Variants in SLC35F4 observed in about 807,000 individuals in gnomAD.
The protein encoded by SLC35F4 is chromosome 14 open reading frame 36.
A neutral mutation model predicts 44.2 loss-of-function variants in SLC35F4; 24 were observed. The observed-to-expected ratio is 0.54, with a 90% confidence interval of 0.39 to 0.76. The LOEUF (loss-of-function observed/expected upper bound fraction) is 0.76, where lower values mean the gene tolerates loss of function less well. SLC35F4 is among the 30% of genes least tolerant of loss of function. The pLI is 0.00. For synonymous variants in SLC35F4, 238 were observed against 223.6 expected (o/e 1.06, Z -0.57); for missense variants, 562 against 586.1 (o/e 0.96, Z 0.42).
At chr14:57,905,762 A>G (rs1445626882) in intron 1 of SLC35F4, among the ~76,000 whole-genome samples, 1 of 152,178 alleles carries the variant, frequency 6.6e-6, no homozygotes, top group Non-Finnish European at 1.5e-5. Context: ...CTTTTACAAG[A>G]TGGAATCTTT....
intron 1 of SLC35F4, among the ~76,000 whole-genome samples, chr14:57,875,051 TTTC>T (rs1888371153): frequency 6.6e-6 from 1 of 152,184 alleles, no homozygotes; most frequent in African/African-American, 2.4e-5. Context: ...TTATATATTT[TTTC>T]TTATTATGGA....
chr14:57,973,273 C>T (rs1045476031), downstream of SLC35F4, among the ~76,000 whole-genome samples: 1 of 152,118 alleles, frequency 6.6e-6, no homozygotes, highest in Non-Finnish European at 1.5e-5. Flanking sequence ...AATAATTGGT[C>T]TTTATGTAAG....
intron 1 of SLC35F4, among the ~76,000 whole-genome samples, chr14:57,750,413 G>C (rs947573789): frequency 6.6e-6 from 1 of 152,026 alleles, no homozygotes; most frequent in African/African-American, 2.4e-5. Context: ...CCCAGTAGTG[G>C]GATTGCTGGA....
intron 1 of SLC35F4, among the ~76,000 whole-genome samples, chr14:57,915,260 T>C (rs1356520133): frequency 1.3e-5 from 2 of 152,132 alleles, no homozygotes; most frequent in African/African-American, 2.4e-5. Flanking sequence ...AGGCCTATGA[T>C]AGAGGGGCAC....
chr14:57,889,138 A>G (rs1888708513), intron 1 of SLC35F4, among the ~76,000 whole-genome samples: 1 of 152,216 alleles, frequency 6.6e-6, no homozygotes, highest in South Asian at 2.1e-4. Context: ...TTTAGCAACC[A>G]GTTTTAGAGC....
intron 1 of SLC35F4, among the ~76,000 whole-genome samples, chr14:57,672,934 C>T (rs925515710): frequency 6.6e-6 from 1 of 151,452 alleles, no homozygotes; most frequent in Non-Finnish European, 1.5e-5. Context: ...CTTCTCCCAC[C>T]AAGTAGTTTT....
chr14:57,707,114 G>A (rs939519175), intron 1 of SLC35F4, among the ~76,000 whole-genome samples: 1 of 152,170 alleles, frequency 6.6e-6, no homozygotes, highest in African/African-American at 2.4e-5. Flanking sequence ...TTGAAACTGG[G>A]GGAATGTGGA....
At chr14:57,862,614 G>A (rs566049262) in intron 1 of SLC35F4, among the ~76,000 whole-genome samples, 3 of 152,094 alleles carry the variant, frequency 2.0e-5, no homozygotes, top group East Asian at 1.9e-4. Context: ...AGATCTTTGC[G>A]CTAGCTATTC....
rs1462682481 is a variant in SLC35F4, at chr14:57,902,682, T to C, written n.282+79231A>G. The stretch of plus-strand genomic sequence containing the variant: ...TGTATAAAAATATTCATAGCACCAT[T>C]AACTGTAGCAATAAATGTTAGAATT... On this transcript the variant is annotated intron_variant and non_coding_transcript_variant, in intron 1 of 1. Coordinates refer to the SLC35F4 transcript ENST00000556568. Among the ~76,000 whole-genome samples, 3 of 152,184 alleles carry C rather than the reference T, an allele frequency of 2.0e-5. 1 individual carries two copies. Among genetic ancestry groups the C allele is most frequent in the Admixed American group, 2.0e-4 (3 of 15,274 alleles).
In SLC35F4 at chr14:57,565,219, CTG is replaced by C. The variant is rs147817676; in HGVS notation, c.1217-845_1217-844del. Among the ~76,000 whole-genome samples the C allele has an allele frequency of 5.1e-3, 782 of 152,304 alleles. 9 individuals are homozygous for C. The highest frequency in any genetic ancestry group is 0.018 in the African/African-American group (744 of 41,570). ...TTGCGTATGAGGATATTTTTAATCT[CTG>C]TTTTCACTTTTTTGGGGTATACACT... On this transcript the variant is annotated intron_variant, in intron 7 of 7. Coordinates refer to ENST00000556826, the MANE Select transcript of SLC35F4 (RefSeq NM_001306087.2).
intron 1 of SLC35F4, among the ~76,000 whole-genome samples, chr14:57,947,206 A>G (rs964144080): frequency 6.8e-6 from 1 of 147,570 alleles, no homozygotes; most frequent in Non-Finnish European, 1.5e-5. Context: ...CTCCTTGGTT[A>G]GGTATATTCG....
At chr14:57,568,045 T>C (rs2068290573) in intron 6 of SLC35F4, among the ~76,000 whole-genome samples, 1 of 152,266 alleles carries the variant, frequency 6.6e-6, no homozygotes, top group East Asian at 1.9e-4. Flanking sequence ...CACTTAGGAA[T>C]AGGAGCACTG....
intron 1 of SLC35F4, among the ~76,000 whole-genome samples, chr14:57,963,049 CA>C (rs373746504): frequency 5.3e-5 from 8 of 152,124 alleles, no homozygotes; most frequent in African/African-American, 1.9e-4. Context: ...TTGCAAGTGT[CA>C]AAAATGAGAA....
intron 1 of SLC35F4, among the ~76,000 whole-genome samples, chr14:57,787,243 C>T (rs967069375): frequency 6.6e-6 from 1 of 152,190 alleles, no homozygotes; most frequent in East Asian, 1.9e-4. Context: ...ATGAACAAAG[C>T]CTCTAAGTAG....
chr14:57,720,605 G>A (rs970338382), intron 1 of SLC35F4, among the ~76,000 whole-genome samples: 10 of 151,972 alleles, frequency 6.6e-5, no homozygotes, highest in African/African-American at 2.4e-4. Context: ...GACTGTGATG[G>A]CTAATACTGA....
At chr14:57,788,953 T>C (rs1333130326) in intron 1 of SLC35F4, among the ~76,000 whole-genome samples, 1 of 152,128 alleles carries the variant, frequency 6.6e-6, no homozygotes, top group Admixed American at 6.5e-5. Context: ...AATAAGCTCT[T>C]TGAACCCAAT....
At chr14:57,655,666 C>G (rs777238435) in intron 1 of SLC35F4, among the ~76,000 whole-genome samples, 6 of 152,096 alleles carry the variant, frequency 3.9e-5, no homozygotes, top group Admixed American at 1.3e-4. Context: ...AGTGCCACCT[C>G]ACCCAGAGCT....
chr14:57,730,659 T>A (rs1185708362), intron 1 of SLC35F4, among the ~76,000 whole-genome samples: 2 of 152,214 alleles, frequency 1.3e-5, no homozygotes, highest in Non-Finnish European at 2.9e-5. Context: ...AATAAAAATA[T>A]CACTGTCTGA....
At chr14:57,669,251 A>C (rs2074425695) in intron 1 of SLC35F4, among the ~76,000 whole-genome samples, 1 of 151,834 alleles carries the variant, frequency 6.6e-6, no homozygotes. Flanking sequence ...GGGGTTTTCT[A>C]GATATACAAT....
Sources: allele counts gnomAD v4.1 joint callset (sites outside exome capture counted in the v4.1 genomes callset), GRCh38; gene constraint gnomAD v4.1.1; transcripts MANE v1.5; gene names NCBI Gene and HGNC (gene_info 2026-07-23, HGNC 2026-07-21).